The following IARS1 variants were observed in gnomAD, a reference collection of about 807,000 sequenced individuals.
IARS1 encodes the protein isoleucine--tRNA ligase, cytoplasmic.
IARS1 carries 124 observed loss-of-function variants against 168.2 expected under a neutral mutation model. The observed-to-expected ratio is 0.74, with a 90% CI of 0.64 to 0.86. IARS1 has a LOEUF of 0.86. IARS1 is among the 40% of genes least tolerant of loss of function. The pLI, the probability that IARS1 is intolerant of heterozygous loss-of-function variation, is 0.00. For synonymous variants in IARS1, 532 were observed against 529.4 expected (o/e 1.00, Z -0.07); for missense variants, 1,452 against 1,515.8 (o/e 0.96, Z 0.70).
chr9:92,259,145 A>G (rs1831167999), intron 18 of IARS1, 147 bp from the exon 19 acceptor site: 2 of 679,052 alleles, frequency 2.9e-6, no homozygotes, highest in Non-Finnish European at 4.8e-6. Flanking sequence ...TGGTCAATTT[A>G]AAACTCACAA....
intron 8 of IARS1, 75 bp downstream of exon 8, chr9:92,278,124 T>G (rs1834022417): frequency 8.6e-7 from 1 of 1,156,434 alleles, no homozygotes; most frequent in Admixed American, 1.8e-5. Context: ...ATAACAAAGT[T>G]TATTTCTTTT....
intron 19 of IARS1, 97 bp downstream of exon 19, chr9:92,258,756 CA>C (rs1831094221): frequency 8.0e-7 from 1 of 1,251,268 alleles, no homozygotes; most frequent in Non-Finnish European, 1.1e-6. Context: ...CAGAGAACAG[CA>C]GCCCTAAAGT....
rs1477098805 is a variant in IARS1 at position 92,278,095 on chromosome 9, G to A, written c.833+104C>T. On this transcript the variant is annotated intron_variant, in intron 8 of 33. Coordinates refer to ENST00000443024, the MANE Select transcript of IARS1 (RefSeq NM_002161.6). ...AGTATTAGTACTTAAAACTAAATTT[G>A]AATAATGCAAGCTTTTGGATAACAA... is the stretch of plus-strand genomic sequence containing the variant. 30 of 1,084,340 alleles carry A rather than the reference G, an allele frequency of 2.8e-5. No individual in the cohort carries two copies. The Middle Eastern group carries it at 6.6e-4, about 24-fold the overall frequency. 67.2% of individuals were successfully genotyped at this position (1,084,340 alleles called of 1,614,324 possible).
At chr9:92,240,053 C>A (rs1292269406) in intron 30 of IARS1, among the ~76,000 whole-genome samples, 1 of 152,112 alleles carries the variant, frequency 6.6e-6, no homozygotes, top group Non-Finnish European at 1.5e-5. Flanking sequence ...GAAAAGAAAA[C>A]CCTGAACTTA....
At chr9:92,273,949 TG>T (rs1833447948) in intron 10 of IARS1, among the ~76,000 whole-genome samples, 1 of 152,186 alleles carries the variant, frequency 6.6e-6, no homozygotes, top group Non-Finnish European at 1.5e-5. Context: ...AGGTGAGAGG[TG>T]GTTTACTGTA....
At chr9:92,278,026 C>T in intron 8 of IARS1, 103 bp from the exon 9 acceptor site, 1 of 1,196,388 alleles carries the variant, frequency 8.4e-7, no homozygotes, top group Non-Finnish European at 1.2e-6. Context: ...CTTCTTAGCC[C>T]TAGCCATTCA....
At chr9:92,288,074 T>C (rs113644896) in intron 3 of IARS1, 52 bp downstream of exon 3, 1 of 1,573,014 alleles carries the variant, frequency 6.4e-7, no homozygotes, top group East Asian at 2.2e-5. Flanking sequence ...TGACAAAATC[T>C]AATGCTTATA....
chr9:92,287,259 G>A (rs1213915053), intron 4 of IARS1, among the ~76,000 whole-genome samples: 1 of 152,028 alleles, frequency 6.6e-6, no homozygotes, highest in Non-Finnish European at 1.5e-5. Context: ...GAAATACAAA[G>A]GACTAAATAA....
chr9:92,224,689 C>G (rs949336126), intron 31 of IARS1, among the ~76,000 whole-genome samples: 1 of 151,988 alleles, frequency 6.6e-6, no homozygotes, highest in Non-Finnish European at 1.5e-5. Context: ...AAGAATTAGC[C>G]AGGCATGGTG....
intron 17 of IARS1, 120 bp from the exon 18 acceptor site, chr9:92,260,354 G>A (rs552476599): frequency 1.0e-5 from 8 of 777,170 alleles, no homozygotes; most frequent in South Asian, 1.0e-4. Context: ...GAGTAACTTA[G>A]ATAGAAGTTA....
intron 25 of IARS1, among the ~76,000 whole-genome samples, chr9:92,248,187 C>G (rs1829496504): frequency 6.6e-6 from 1 of 152,118 alleles, no homozygotes; most frequent in Non-Finnish European, 1.5e-5. Flanking sequence ...ATTAACTAAG[C>G]AGAAGATCAG....
chr9:92,278,231 A>C lies in IARS1; in HGVS notation c.801T>G (p.Tyr267Ter). The change falls in exon 8 of 34, where the codon TAT becomes TAG. Residue 267 changes from tyrosine to a stop codon, truncating the protein, a stop_gained. Transcript: ENST00000443024. LOFTEE classifies it high-confidence loss of function. ...ILMEARLSAL[Y>*]KLESDYEILE... Reference sequence around the variant, plus strand: ...GGATCTCATAGTCACTCTCCAATTTATAGAGGGCTGACAATCTGGCTTCCA... The same window carrying C: ...GGATCTCATAGTCACTCTCCAATTTCTAGAGGGCTGACAATCTGGCTTCCA... 6.2e-7 allele frequency: 1 copy of C among 1,612,110 alleles called. No individual in the cohort carries two copies.
intron 10 of IARS1, 22 bp downstream of exon 10, chr9:92,274,404 T>C (rs781084679): frequency 6.3e-7 from 1 of 1,582,136 alleles, no homozygotes; most frequent in South Asian, 1.1e-5. Flanking sequence ...TCAAATACAT[T>C]TGCCAGACTT....
chr9:92,278,556 C>T (rs1304189157), intron 7 of IARS1, among the ~76,000 whole-genome samples: 1 of 152,122 alleles, frequency 6.6e-6, no homozygotes, highest in Admixed American at 6.5e-5. Flanking sequence ...TTTTTTCCTT[C>T]ATAAGGTAAA....
At chr9:92,286,093 C>A (rs1054841971) in intron 5 of IARS1, 1 of 380,192 alleles carries the variant, frequency 2.6e-6, no homozygotes, top group East Asian at 4.6e-5. Flanking sequence ...GCAGGCTGGG[C>A]GCAGTGGCTC....
chr9:92,261,625 A>G (rs1255254573), intron 17 of IARS1, among the ~76,000 whole-genome samples: 2 of 152,238 alleles, frequency 1.3e-5, no homozygotes, highest in East Asian at 1.9e-4. Context: ...CTATATCAAT[A>G]TCCTGGTTGT....
intron 7 of IARS1, among the ~76,000 whole-genome samples, chr9:92,278,590 T>C (rs575254396): frequency 6.6e-6 from 1 of 152,352 alleles, no homozygotes; most frequent in African/African-American, 2.4e-5. Context: ...AAAAATAACA[T>C]TGACAAAGTA....
intron 30 of IARS1, among the ~76,000 whole-genome samples, chr9:92,235,021 T>G (rs72750428): frequency 6.6e-6 from 1 of 152,132 alleles, no homozygotes; most frequent in Non-Finnish European, 1.5e-5. Flanking sequence ...TTATATTTTT[T>G]CGACAGGGTT....
intron 25 of IARS1, among the ~76,000 whole-genome samples, chr9:92,248,780 T>C (rs1829606042): frequency 6.6e-6 from 1 of 151,662 alleles, no homozygotes; most frequent in African/African-American, 2.4e-5. Flanking sequence ...GAAAACCAAA[T>C]ATAGAAATTA....
Sources: gnomAD v4.1 joint callset for allele counts (sites outside exome capture counted in the v4.1 genomes callset) on GRCh38, gnomAD v4.1.1 for gene constraint, MANE v1.5 for transcripts, NCBI Gene and HGNC (gene_info 2026-07-23, HGNC 2026-07-21) for gene names.